FKTN: variants seen among roughly 807,000 people sequenced by gnomAD.
The protein encoded by FKTN is ribitol-5-phosphate transferase FKTN.
A neutral mutation model predicts 58.6 loss-of-function variants in FKTN; 47 were observed. The ratio of observed to expected loss-of-function variants is 0.80; its 90% CI spans 0.63 to 1.02. The LOEUF is 1.02. Among genes scored for constraint, FKTN ranks in the 50% least tolerant of loss-of-function variants. The pLI is 0.00. For synonymous variants in FKTN, 178 were observed against 191.9 expected, an observed-to-expected ratio of 0.93 and a Z score of 0.60; for missense variants, 516 against 537.3, an observed-to-expected ratio of 0.96 and a Z score of 0.39.
At chr9:105,617,047 G>A (rs549573618) in intron 8 of FKTN, among the ~76,000 whole-genome samples, 10 of 152,118 alleles carry the variant, frequency 6.6e-5, no homozygotes, top group Non-Finnish European at 1.2e-4. Context: ...CTGATTTAAG[G>A]GCACTTATGA....
intron 3 of FKTN, among the ~76,000 whole-genome samples, chr9:105,595,826 C>T (rs1826685968): frequency 6.6e-6 from 1 of 152,154 alleles, no homozygotes. Context: ...CTTCAGCATC[C>T]TCCCATCTAT....
chr9:105,627,707 G>A (rs945918368), intron 10 of FKTN, among the ~76,000 whole-genome samples: 1 of 152,032 alleles, frequency 6.6e-6, no homozygotes, highest in Non-Finnish European at 1.5e-5. Context: ...TTGGTACCTT[G>A]ATCTGGAAAT....
intron 7 of FKTN, among the ~76,000 whole-genome samples, chr9:105,609,120 G>C (rs1300607359): frequency 6.6e-6 from 1 of 152,076 alleles, no homozygotes; most frequent in Non-Finnish European, 1.5e-5. Flanking sequence ...AGTATCTACT[G>C]TACCTGGCAT....
chr9:105,620,554 C>T (rs186071558), intron 10 of FKTN, among the ~76,000 whole-genome samples: 41 of 152,178 alleles, frequency 2.7e-4, no homozygotes, highest in African/African-American at 8.4e-4. Context: ...AGTGTGATTG[C>T]TGTTGAATCT....
At chr9:105,595,894 G>A (rs1039312881) in intron 3 of FKTN, among the ~76,000 whole-genome samples, 1 of 152,082 alleles carries the variant, frequency 6.6e-6, no homozygotes, top group Non-Finnish European at 1.5e-5. Flanking sequence ...TCTTCATTAC[G>A]CTTGAAACAT....
At chr9:105,608,478 G>T (rs778130740) in intron 7 of FKTN, among the ~76,000 whole-genome samples, 2 of 152,076 alleles carry the variant, frequency 1.3e-5, no homozygotes, top group Non-Finnish European at 2.9e-5. Flanking sequence ...ATTGTGTTCC[G>T]CAGGCTTCTG....
chr9:105,631,051 T>G (rs1019849707), intron 10 of FKTN, among the ~76,000 whole-genome samples: 23 of 152,246 alleles, frequency 1.5e-4, no homozygotes, highest in African/African-American at 5.1e-4. Flanking sequence ...GAGAATTGCT[T>G]GAACCCGAGA....
chr9:105,631,506 G>A (rs552007786), intron 10 of FKTN, among the ~76,000 whole-genome samples: 47 of 151,890 alleles, frequency 3.1e-4, no homozygotes, highest in Admixed American at 3.9e-4. Context: ...GAAAATTTTT[G>A]CAACCTACTC....
rs544276503 is a variant in FKTN at position 105,559,105 on chromosome 9, A to G, written c.-181+940A>G. On this transcript the variant is annotated intron_variant, in intron 1 of 10. Coordinates refer to ENST00000357998, the MANE Select transcript of FKTN (RefSeq NM_001079802.2). Reference sequence around the variant, plus strand: ...GATGATATTTTTAACCTGCGTTTCTAAAAAGTAAGTTTAAGTGCTGTTGGC... The same window carrying G: ...GATGATATTTTTAACCTGCGTTTCTGAAAAGTAAGTTTAAGTGCTGTTGGC... 5.9e-5 allele frequency among the ~76,000 whole-genome samples: 9 copies of G among 152,336 alleles called. No individual in the cohort carries two copies. The East Asian group carries it at 1.7e-3, about 29-fold the overall frequency.
chr9:105,623,824 G>T (rs1285669578), intron 10 of FKTN, among the ~76,000 whole-genome samples: 2 of 152,142 alleles, frequency 1.3e-5, no homozygotes, highest in Non-Finnish European at 2.9e-5. Flanking sequence ...ATCTATAGTT[G>T]AAGTACCAAA....
In FKTN at chr9:105,621,609, C is replaced by T. The variant is rs779203900; in HGVS notation, c.1172+1548C>T. Among the ~76,000 whole-genome samples the T allele has an allele frequency of 5.3e-5, 8 of 152,034 alleles. No individual in the cohort carries two copies. In the East Asian group the frequency reaches 7.7e-4, roughly 15 times the overall value. ...TTACTCATTTCTTATGTATCCTTTCCGAGACAAACATATGCTCGTATACAT... is the reference window on the plus strand; with the variant it reads ...TTACTCATTTCTTATGTATCCTTTCTGAGACAAACATATGCTCGTATACAT... On this transcript the variant is annotated intron_variant, in intron 10 of 10. Transcript: ENST00000357998.
chr9:105,638,260 T>C lies in FKTN; in HGVS notation c.*2996T>C, dbSNP rs1834184886. 1 of 985,304 alleles carries C rather than the reference T, an allele frequency of 1.0e-6. No homozygotes were observed. The highest frequency in any genetic ancestry group is 1.7e-5 in the African/African-American group (1 of 57,228). 61.0% of individuals were successfully genotyped at this position (985,304 alleles called of 1,614,324 possible). A position where few individuals can be genotyped will look rare whatever the true frequency, so the allele number is the denominator to read the frequency against. On this transcript the variant is annotated 3_prime_UTR_variant, in exon 11 of 11. Transcript: ENST00000357998. ...ACAGAGAAGGCATCCAGTGCTTCAT[T>C]GAGGCTAAGTCTCAGGGTGTTTCTG...
chr9:105,560,961 C>A (rs972079302), intron 1 of FKTN, among the ~76,000 whole-genome samples: 4 of 152,228 alleles, frequency 2.6e-5, no homozygotes, highest in African/African-American at 9.6e-5. Context: ...GTGGCACATG[C>A]CTGTAGTCCC....
intron 3 of FKTN, among the ~76,000 whole-genome samples, chr9:105,593,728 G>C (rs1254849943): frequency 6.6e-6 from 1 of 152,198 alleles, no homozygotes; most frequent in East Asian, 1.9e-4. Context: ...CAGAAATATG[G>C]TGATACAGAG....
chr9:105,561,086 A>G (rs1224480251), intron 1 of FKTN, among the ~76,000 whole-genome samples: 1 of 148,644 alleles, frequency 6.7e-6, no homozygotes, highest in East Asian at 1.9e-4. Context: ...ATCCGTCTCA[A>G]AAAACAAAAA....
intron 4 of FKTN, chr9:105,598,057 G>A: frequency 2.4e-6 from 1 of 422,016 alleles, no homozygotes; most frequent in South Asian, 1.8e-5. Context: ...ATAGAAAAAA[G>A]TAGCGTGACT....
chr9:105,623,633 C>T (rs1019754333), intron 10 of FKTN, among the ~76,000 whole-genome samples: 2 of 152,172 alleles, frequency 1.3e-5, no homozygotes, highest in Admixed American at 6.6e-5. Context: ...ACCACACTCC[C>T]ATCCAGGTGT....
intron 7 of FKTN, among the ~76,000 whole-genome samples, chr9:105,614,578 G>C (rs1370439092): frequency 6.6e-6 from 1 of 152,122 alleles, no homozygotes; most frequent in African/African-American, 2.4e-5. Flanking sequence ...AAGACCAATA[G>C]AATCACTGAA....
intron 3 of FKTN, among the ~76,000 whole-genome samples, chr9:105,580,148 A>G (rs1842599926): frequency 6.6e-6 from 1 of 151,988 alleles, no homozygotes; most frequent in Admixed American, 6.5e-5. Flanking sequence ...TTTTAATTGG[A>G]GAATTTAGTC....
Sources: gnomAD v4.1 joint callset for allele counts (sites outside exome capture counted in the v4.1 genomes callset) on GRCh38, gnomAD v4.1.1 for gene constraint, MANE v1.5 for transcripts, NCBI Gene and HGNC (gene_info 2026-07-23, HGNC 2026-07-21) for gene names.